The following FBXO5 variants were observed in gnomAD, a reference collection of about 807,000 sequenced individuals.
The protein encoded by FBXO5 is F-box only protein 5.
A neutral mutation model predicts 43.3 loss-of-function variants in FBXO5; 8 were observed. That is an observed-to-expected ratio of 0.18 (90% confidence interval 0.11 to 0.33). The LOEUF is 0.33. Ranked by LOEUF, FBXO5 falls within the 10% of genes least tolerant of loss-of-function variation. The pLI is 1.00. For missense variants in FBXO5, 491 were observed against 535.7 expected, an observed-to-expected ratio of 0.92 and a Z score of 0.82; for synonymous variants, 204 against 193.7, an observed-to-expected ratio of 1.05 and a Z score of -0.44.
At chr6:152,977,606 T>G (rs1778193939) in intron 1 of FBXO5, among the ~76,000 whole-genome samples, 1 of 152,126 alleles carries the variant, frequency 6.6e-6, no homozygotes, top group Non-Finnish European at 1.5e-5. Context: ...TGATTCTGAG[T>G]GGTTTAGTTT....
chr6:152,977,772 T>A (rs1370796728), intron 1 of FBXO5, among the ~76,000 whole-genome samples: 2 of 152,190 alleles, frequency 1.3e-5, no homozygotes, highest in African/African-American at 4.8e-5. Context: ...TTTGTTTAGC[T>A]GCCTAAACCA....
rs1429950883 is a variant in FBXO5, at chr6:152,970,593, TA to T, written c.*569del. The T allele has an allele frequency of 6.6e-6, 1 of 152,120 alleles. No individual in the cohort carries two copies. The highest frequency in any genetic ancestry group is 1.5e-5 in the Non-Finnish European group (1 of 68,044). 9.4% of individuals were successfully genotyped at this position (152,120 alleles called of 1,614,324 possible). On this transcript the variant is annotated 3_prime_UTR_variant, in exon 5 of 5. Transcript: ENST00000229758. ...TACAAGAGACATATTCTTTGACATA[TA>T]AAAAATACAGAAATATTTACATGTA...
intron 1 of FBXO5, among the ~76,000 whole-genome samples, chr6:152,981,906 G>A (rs1778266248): frequency 6.6e-6 from 1 of 152,136 alleles, no homozygotes; most frequent in Non-Finnish European, 1.5e-5. Flanking sequence ...TAGCAACAAA[G>A]AGGATAAAAA....
At position 152,974,903 on chromosome 6, in the gene FBXO5, T is replaced by C; in HGVS notation, c.818+4A>G. ...CTAATATGTATATTCAAAACAGTAC[T>C]TACTTGATTAAGTCCATGTCACTGA... On this transcript the variant is annotated splice_donor_region_variant and intron_variant, in intron 2 of 4. Coordinates refer to ENST00000229758, the MANE Select transcript of FBXO5 (RefSeq NM_012177.5). 6.3e-7 allele frequency: 1 copy of C among 1,579,182 alleles called. No individual in the cohort carries two copies. The highest frequency in any genetic ancestry group is 1.2e-5 in the South Asian group (1 of 84,080).
upstream of FBXO5, chr6:152,983,286 C>T (rs1319366199): frequency 7.7e-6 from 2 of 260,314 alleles, no homozygotes; most frequent in Non-Finnish European, 1.5e-5. Flanking sequence ...CCTCCGAGCA[C>T]GGGGAGGCCG....
At chr6:152,981,857 C>T (rs1041916936) in intron 1 of FBXO5, among the ~76,000 whole-genome samples, 1 of 151,760 alleles carries the variant, frequency 6.6e-6, no homozygotes, top group African/African-American at 2.4e-5. Flanking sequence ...TGGGTTATTT[C>T]TCAGGTAAAA....
At chr6:152,978,376 TTGGG>T (rs1175760112) in intron 1 of FBXO5, among the ~76,000 whole-genome samples, 140 of 5,570 alleles carry the variant, frequency 0.025, 4 homozygotes, top group Non-Finnish European at 0.031. Flanking sequence ...GCTTCATTTT[TTGGG>T]GGGGGGGGGG....
chr6:152,982,771 C>G (rs144243149), intron 1 of FBXO5, 86 bp downstream of exon 1: 2 of 927,956 alleles, frequency 2.2e-6, no homozygotes, highest in African/African-American at 3.5e-5. Context: ...CTCCGAGGGA[C>G]GTCGGGTCAG....
chr6:152,978,377 T>TGGGG (rs1157375982), intron 1 of FBXO5, among the ~76,000 whole-genome samples: 3 of 21,122 alleles, frequency 1.4e-4, no homozygotes, highest in African/African-American at 2.0e-4. Flanking sequence ...CTTCATTTTT[T>TGGGG]GGGGGGGGGG....
At chr6:152,973,176 TCACAAAGAG>T (rs1329177207) in intron 2 of FBXO5, 40 bp from the exon 3 acceptor site, 1 of 1,499,964 alleles carries the variant, frequency 6.7e-7, no homozygotes, top group Non-Finnish European at 9.3e-7. Flanking sequence ...AATTAAAGCA[TCACAAAGAG>T]CTAAGATGAA....
Position 152,974,891 on chromosome 6 carries a change from T to G in FBXO5, c.818+16A>C, listed in dbSNP as rs746518936. On this transcript the variant is annotated intron_variant, in intron 2 of 4. Coordinates refer to ENST00000229758, the MANE Select transcript of FBXO5 (RefSeq NM_012177.5). ...CAGTGTATTATGCTAATATGTATAT[T>G]CAAAACAGTACTTACTTGATTAAGT... is the stretch of plus-strand genomic sequence containing the variant. The G allele has an allele frequency of 3.9e-6, 6 of 1,555,790 alleles. No homozygotes were observed. The South Asian group carries it at 7.5e-5, about 19-fold the overall frequency.
At chr6:152,977,313 C>A (rs1348511340) in intron 1 of FBXO5, among the ~76,000 whole-genome samples, 1 of 152,148 alleles carries the variant, frequency 6.6e-6, no homozygotes, top group Non-Finnish European at 1.5e-5. Context: ...ATGTATACAG[C>A]ATCAGTATGT....
chr6:152,972,529 A>G, intron 3 of FBXO5, 75 bp from the exon 4 acceptor site: 1 of 1,039,284 alleles, frequency 9.6e-7, no homozygotes, highest in South Asian at 1.8e-5. Context: ...TTATGTTTGT[A>G]CATATAAGAA....
At chr6:152,978,932 A>G (rs770720278) in intron 1 of FBXO5, among the ~76,000 whole-genome samples, 4 of 152,078 alleles carry the variant, frequency 2.6e-5, no homozygotes, top group Admixed American at 6.6e-5. Context: ...TTGAGGCTGC[A>G]GGGAGTTGTG....
intron 4 of FBXO5, 133 bp from the exon 5 acceptor site, chr6:152,971,547 C>G (rs1778085554): frequency 1.4e-5 from 12 of 844,052 alleles, no homozygotes; most frequent in Non-Finnish European, 1.6e-5. Context: ...ACGATAACTA[C>G]TGCCCTAACT....
At position 152,983,041 on chromosome 6, in the gene FBXO5, T is replaced by G. The variant is rs915569348; in HGVS notation, c.-82A>C. ...AACCTGCCTGCTTCACAGACCTGTA[T>G]CTCTTAAAAGGCGCCAGCTGGTACT... On this transcript the variant is annotated 5_prime_UTR_variant, in exon 1 of 5. Transcript: ENST00000229758. The G allele has an allele frequency of 1.9e-5, 16 of 825,786 alleles. No individual in the cohort carries two copies. Among genetic ancestry groups the G allele is most frequent in the African/African-American group, 3.6e-5 (2 of 55,460 alleles). The allele number at this position is 825,786 out of a possible 1,614,324, so 51.2% of individuals were successfully genotyped here.
At chr6:152,976,995 C>T (rs1584080832) in intron 1 of FBXO5, among the ~76,000 whole-genome samples, 1 of 152,152 alleles carries the variant, frequency 6.6e-6, no homozygotes, top group Non-Finnish European at 1.5e-5. Flanking sequence ...GGGAAAAAGG[C>T]CAGATGCAAA....
At position 152,972,300 on chromosome 6, in the gene FBXO5, G is replaced by T. The variant is rs768319373; in HGVS notation, c.1064C>A (p.Thr355Asn). The T allele has an allele frequency of 1.2e-6, 2 of 1,612,030 alleles. No individual in the cohort carries two copies. The highest frequency in any genetic ancestry group is 2.2e-5 in the South Asian group (2 of 90,798). Residue 355 changes from threonine to asparagine, a missense_variant, in exon 4 of 5, where the codon ACT becomes AAT. Thr to Asn is a moderately conservative substitution (Grantham distance 65). Coordinates refer to ENST00000229758, the MANE Select transcript of FBXO5 (RefSeq NM_012177.5). ...LSNQGDQKGS[T>N]YSRHNEFSEV... ...AGAGAATTCATTGTGTCGACTATAA[G>T]TAGAACCTTTCTGATCACCTTGATT...
chr6:152,979,223 C>G (rs1039921901), intron 1 of FBXO5, among the ~76,000 whole-genome samples: 3 of 152,126 alleles, frequency 2.0e-5, no homozygotes, highest in African/African-American at 7.2e-5. Context: ...AATCTTTTTT[C>G]TGTTCCCGGG....
Sources: gnomAD v4.1 joint callset for allele counts (sites outside exome capture counted in the v4.1 genomes callset) on GRCh38, gnomAD v4.1.1 for gene constraint, MANE v1.5 for transcripts, NCBI Gene and HGNC (gene_info 2026-07-23, HGNC 2026-07-21) for gene names.